The following MEF2A variants were observed in gnomAD, a reference collection of about 807,000 sequenced individuals.
The protein encoded by MEF2A is myocyte enhancer factor 2A, also known as myocyte-specific enhancer factor 2A.
Under a neutral mutation model 55.8 loss-of-function variants are expected in MEF2A, and 28 were observed. That is an observed-to-expected ratio of 0.50 (90% CI 0.37 to 0.69). The LOEUF is 0.69. Ranked by LOEUF, MEF2A falls within the 30% of genes least tolerant of loss-of-function variation. The pLI is 0.00. For missense variants in MEF2A, 528 were observed against 626.2 expected (o/e 0.84, Z 1.67); for synonymous variants, 239 against 227.1 (o/e 1.05, Z -0.47).
intron 7 of MEF2A, among the ~76,000 whole-genome samples, chr15:99,681,252 A>G (rs2053193786): frequency 6.6e-6 from 1 of 152,252 alleles, no homozygotes; most frequent in African/African-American, 2.4e-5. Flanking sequence ...AAGGGTTTGC[A>G]TTGTAGCAGG....
chr15:99,710,624 TC>T lies in MEF2A; in HGVS notation c.1010-8del, dbSNP rs2058535611. Reference sequence around the variant, plus strand: ...CATCATATGCAGAGCCCTCTTGTCTTCCTTTGTAGATTATTCACTGACCAGC... The same window carrying T: ...CATCATATGCAGAGCCCTCTTGTCTTCTTTGTAGATTATTCACTGACCAGC... On this transcript the variant is annotated splice_polypyrimidine_tract_variant and intron_variant, in intron 10 of 11. Coordinates refer to ENST00000557942, the MANE Select transcript of MEF2A (RefSeq NM_001319206.4). The T allele has an allele frequency of 5.0e-6, 8 of 1,605,550 alleles. No homozygotes were observed. The highest frequency in any genetic ancestry group is 6.8e-6 in the Non-Finnish European group (8 of 1,172,820).
At chr15:99,657,473 A>G (rs776091827) in intron 4 of MEF2A, 1 of 152,110 alleles carries the variant, frequency 6.6e-6, no homozygotes, top group Non-Finnish European at 1.5e-5. Flanking sequence ...GTAAAAACAG[A>G]ACAAAAAAAC....
At chr15:99,654,096 G>A (rs987348286) in intron 4 of MEF2A, among the ~76,000 whole-genome samples, 39 of 151,994 alleles carry the variant, frequency 2.6e-4, no homozygotes, top group African/African-American at 9.2e-4. Context: ...CCACATTTAT[G>A]TAGTTGAATT....
At chr15:99,688,156 T>G (rs548704344) in intron 7 of MEF2A, among the ~76,000 whole-genome samples, 2 of 152,374 alleles carry the variant, frequency 1.3e-5, no homozygotes, top group Non-Finnish European at 2.9e-5. Context: ...GTTTTATAAA[T>G]GCACATTATA....
chr15:99,668,651 CCTTTCACA>C (rs1485609797), intron 4 of MEF2A, among the ~76,000 whole-genome samples: 1 of 143,140 alleles, frequency 7.0e-6, no homozygotes, highest in African/African-American at 2.7e-5. Flanking sequence ...ATAGTGGTGA[CCTTTCACA>C]CTGTGTTTTC....
chr15:99,662,560 C>CA (rs2048836268), intron 4 of MEF2A, among the ~76,000 whole-genome samples: 1 of 151,810 alleles, frequency 6.6e-6, no homozygotes, highest in South Asian at 2.1e-4. Flanking sequence ...CTGCAACCTC[C>CA]ACCTCCTGGG....
intron 8 of MEF2A, among the ~76,000 whole-genome samples, chr15:99,699,835 C>T (rs2057102235): frequency 6.6e-6 from 1 of 151,724 alleles, no homozygotes; most frequent in African/African-American, 2.4e-5. Flanking sequence ...TAGATAAAGG[C>T]AGCCAGGTTT....
intron 4 of MEF2A, among the ~76,000 whole-genome samples, chr15:99,655,414 A>G (rs2047541764): frequency 1.3e-5 from 2 of 152,270 alleles, no homozygotes; most frequent in Admixed American, 1.3e-4. Context: ...TAAGGAAGAG[A>G]CAAATTGAAT....
chr15:99,667,465 C>T (rs1320017253), intron 4 of MEF2A, among the ~76,000 whole-genome samples: 13 of 152,000 alleles, frequency 8.6e-5, no homozygotes, highest in Admixed American at 8.5e-4. Context: ...CCTCGTGATC[C>T]GCCCGCCTCG....
chr15:99,698,803 AC>A (rs1385209832), intron 8 of MEF2A, among the ~76,000 whole-genome samples: 1 of 152,104 alleles, frequency 6.6e-6, no homozygotes, highest in African/African-American at 2.4e-5. Context: ...AAAAAAAAAA[AC>A]AAAAACGCAA....
At chr15:99,710,994 A>T (rs189524627) in intron 11 of MEF2A, among the ~76,000 whole-genome samples, 1 of 152,214 alleles carries the variant, frequency 6.6e-6, no homozygotes. Flanking sequence ...GGCTTCTCCC[A>T]TAGGGACATC....
chr15:99,672,777 A>G (rs2051133073), intron 5 of MEF2A, among the ~76,000 whole-genome samples: 1 of 152,334 alleles, frequency 6.6e-6, no homozygotes, highest in East Asian at 1.9e-4. Flanking sequence ...TTAATGTTTC[A>G]TACATACCTT....
At chr15:99,652,174 T>G (rs2046957255) in intron 4 of MEF2A, among the ~76,000 whole-genome samples, 1 of 152,160 alleles carries the variant, frequency 6.6e-6, no homozygotes, top group Admixed American at 6.5e-5. Context: ...CCCAACCTTG[T>G]TGGCACCAGG....
intron 7 of MEF2A, 79 bp downstream of exon 7, chr15:99,675,537 C>T: frequency 1.6e-6 from 2 of 1,281,222 alleles, no homozygotes; most frequent in Non-Finnish European, 2.2e-6. Context: ...TGAAATAAAG[C>T]TTTCTGGGAA....
intron 2 of MEF2A, among the ~76,000 whole-genome samples, chr15:99,609,370 A>G (rs923761225): frequency 7.2e-5 from 11 of 152,230 alleles, no homozygotes; most frequent in Admixed American, 3.3e-4. Flanking sequence ...AATTAGTGTG[A>G]GTATTTGTAG....
intron 4 of MEF2A, among the ~76,000 whole-genome samples, chr15:99,653,086 A>G (rs1461965380): frequency 1.3e-5 from 2 of 152,224 alleles, no homozygotes; most frequent in African/African-American, 2.4e-5. Flanking sequence ...ATTATAAGAT[A>G]AGATATTATA....
chr15:99,594,731 T>G (rs1970583628), intron 1 of MEF2A, among the ~76,000 whole-genome samples: 1 of 152,190 alleles, frequency 6.6e-6, no homozygotes, highest in African/African-American at 2.4e-5. Flanking sequence ...TATGTATTTC[T>G]TATTACATCA....
intron 4 of MEF2A, among the ~76,000 whole-genome samples, chr15:99,657,973 T>C (rs2048016417): frequency 6.6e-6 from 1 of 152,162 alleles, no homozygotes; most frequent in South Asian, 2.1e-4. Flanking sequence ...TTATATCCTT[T>C]TTGAAGAAAG....
chr15:99,694,755 A>T (rs531982547), intron 8 of MEF2A, among the ~76,000 whole-genome samples: 3 of 152,300 alleles, frequency 2.0e-5, no homozygotes, highest in African/African-American at 7.2e-5. Flanking sequence ...TTCTTAAGAG[A>T]AGGATATCTA....
Sources: gnomAD v4.1 joint callset for allele counts (sites outside exome capture counted in the v4.1 genomes callset) on GRCh38, gnomAD v4.1.1 for gene constraint, MANE v1.5 for transcripts, NCBI Gene and HGNC (gene_info 2026-07-23, HGNC 2026-07-21) for gene names.